Variants in COQ2 observed in about 807,000 individuals in gnomAD.
The protein encoded by COQ2 is coenzyme Q2, polyprenyltransferase, also known as 4-hydroxybenzoate polyprenyltransferase, mitochondrial.
In COQ2, 25 loss-of-function variants were observed where a neutral mutation model predicts 35.7. The ratio of observed to expected loss-of-function variants is 0.70; its 90% CI spans 0.51 to 0.98. The LOEUF (loss-of-function observed/expected upper bound fraction) is 0.98. COQ2 is among the 50% of genes least tolerant of loss of function. The pLI is 0.00. For missense variants in COQ2, 488 were observed against 473.5 expected (o/e 1.03, Z -0.28); for synonymous variants, 206 against 186.2 (o/e 1.11, Z -0.86).
Position 83,273,534 on chromosome 4 carries a change from G to T in COQ2, c.504C>A (p.Thr168=), listed in dbSNP as rs1207318237. 1 of 1,613,512 alleles carries T rather than the reference G, an allele frequency of 6.2e-7. No homozygotes were observed. The highest frequency in any genetic ancestry group is 1.3e-5 in the African/African-American group (1 of 74,854). ...QSFVFLGGQL[T]LALGVLLCLN... The stretch of plus-strand genomic sequence containing the variant: ...GACACAGAAGAACACCCAGTGCCAG[G>T]GTTAGCTGTCCCCCAAGAAAAACAA... The change falls in exon 3 of 7, where the codon ACC becomes ACA. Residue 168 remains threonine (T), a synonymous_variant. Coordinates refer to ENST00000647002, the MANE Select transcript of COQ2 (RefSeq NM_001358921.2).
intron 3 of COQ2, among the ~76,000 whole-genome samples, chr4:83,272,703 T>G (rs1735076689): frequency 6.6e-6 from 1 of 152,200 alleles, no homozygotes. Flanking sequence ...TTAAGGCATC[T>G]AATAAACTAA....
At chr4:83,271,190 T>A (rs1048586010) in intron 4 of COQ2, among the ~76,000 whole-genome samples, 2 of 152,220 alleles carry the variant, frequency 1.3e-5, no homozygotes, top group Non-Finnish European at 2.9e-5. Flanking sequence ...AACAAGTATG[T>A]ATTCAATACC....
chr4:83,284,460 C>G (rs1426908613), intron 1 of COQ2, 52 bp downstream of exon 1: 2 of 1,519,078 alleles, frequency 1.3e-6, no homozygotes, highest in East Asian at 5.4e-5. Context: ...GCGGAGCCGA[C>G]TCGGAGGCTG....
At chr4:83,282,487 C>T (rs763547994) in intron 1 of COQ2, 8 of 232,716 alleles carry the variant, frequency 3.4e-5, no homozygotes, top group Non-Finnish European at 5.6e-5. Context: ...TGAGCGAATT[C>T]TAACATAGTA....
intron 6 of COQ2, among the ~76,000 whole-genome samples, chr4:83,265,789 C>T (rs780309607): frequency 2.0e-5 from 3 of 151,772 alleles, no homozygotes; most frequent in East Asian, 2.0e-4. Context: ...CTCAGCCTCT[C>T]GAGTGGCTGG....
upstream of COQ2, chr4:83,284,884 T>C (rs1243174150): frequency 6.6e-7 from 1 of 1,523,916 alleles, no homozygotes; most frequent in African/African-American, 1.4e-5. Context: ...GCAGAACCTT[T>C]CCTCATCCTT....
intron 2 of COQ2, among the ~76,000 whole-genome samples, chr4:83,277,149 C>G (rs1156296679): frequency 1.3e-5 from 2 of 152,118 alleles, no homozygotes; most frequent in African/African-American, 4.8e-5. Context: ...TCCATGTAAC[C>G]TGACTGTAAC....
chr4:83,284,928 T>G (rs1735436639), upstream of COQ2: 1 of 1,479,402 alleles, frequency 6.8e-7, no homozygotes, highest in Non-Finnish European at 8.9e-7. Flanking sequence ...GGTCGCTTAC[T>G]CTAGGGAGGA....
chr4:83,284,975 C>G (rs1293129856), upstream of COQ2: 3 of 1,154,228 alleles, frequency 2.6e-6, no homozygotes, highest in East Asian at 3.1e-5. Flanking sequence ...TGGCAAAAGG[C>G]AAAAAAATTA....
Position 83,273,494 on chromosome 4 carries a change from A to C in COQ2, c.542+2T>G, listed in dbSNP as rs1387262365. 6.2e-7 allele frequency: 1 copy of C among 1,611,162 alleles called. No individual in the cohort carries two copies. The highest frequency in any genetic ancestry group is 8.5e-7 in the Non-Finnish European group (1 of 1,178,960). On this transcript the variant is annotated splice_donor_variant, in intron 3 of 6. Transcript: ENST00000647002. LOFTEE classifies it high-confidence loss of function. ...ACATGATGTGGAAAACGTTTAATAT[A>C]CCTGTAGTAATTTAGACACAGAAGA... is the stretch of plus-strand genomic sequence containing the variant.
In COQ2 at chr4:83,284,662, C is replaced by A; in HGVS notation, c.103G>T (p.Ala35Ser). 6.9e-7 allele frequency: 1 copy of A among 1,450,448 alleles called. No homozygotes were observed. The highest frequency in any genetic ancestry group is 2.8e-5 in the Admixed American group (1 of 35,800). 89.8% of individuals were successfully genotyped at this position (1,450,448 alleles called of 1,614,324 possible). A position where few individuals can be genotyped will look rare whatever the true frequency, so the allele number is the denominator to read the frequency against. ...RGRSFALARA[A>S]GAPHGGDLQP... ...AAGTCACCACCGTGGGGCGCGCCTG[C>A]CGCACGCGCCAGGGCGAAGGAGCGG... The change falls in exon 1 of 7, where the codon GCA becomes TCA. Residue 35 changes from alanine (A) to serine (S), a missense_variant. Ala to Ser is a moderately conservative substitution (Grantham distance 99, BLOSUM62 1). Transcript: ENST00000647002.
intron 4 of COQ2, among the ~76,000 whole-genome samples, chr4:83,270,211 C>T (rs1735014011): frequency 6.6e-6 from 1 of 151,874 alleles, no homozygotes; most frequent in Admixed American, 6.6e-5. Flanking sequence ...TAATTAACAA[C>T]TAAAGTAACA....
chr4:83,284,555 G>C lies in COQ2; in HGVS notation c.210C>G (p.Pro70=), dbSNP rs887627786. The C allele has an allele frequency of 1.9e-6, 3 of 1,569,552 alleles. No homozygotes were observed. In the African/African-American group the frequency reaches 4.1e-5, roughly 22 times the overall value. Residue 70 remains proline, a synonymous_variant, in exon 1 of 7, where the codon CCC becomes CCG. Transcript: ENST00000647002. ...GCATGAGGCGCAAGTACGGCTGCAG[G>C]GGGCGGGGCGCAGAGTCCACCACCG... ...AAAVVDSAPR[P]LQPYLRLMRL...
chr4:83,280,936 C>T (rs1215147555), intron 1 of COQ2, among the ~76,000 whole-genome samples: 1 of 152,192 alleles, frequency 6.6e-6, no homozygotes. Flanking sequence ...TCTTCAATGA[C>T]ATCTTTATAT....
upstream of COQ2, among the ~76,000 whole-genome samples, chr4:83,285,133 C>T (rs527245301): frequency 6.6e-6 from 1 of 151,922 alleles, no homozygotes; most frequent in African/African-American, 2.4e-5. Context: ...AATAAGTGTT[C>T]CAAAGAGTCG....
intron 2 of COQ2, among the ~76,000 whole-genome samples, chr4:83,275,270 T>A (rs1735139702): frequency 6.6e-6 from 1 of 152,206 alleles, no homozygotes; most frequent in South Asian, 2.1e-4. Context: ...AGACTATGAA[T>A]CTTATTTAAA....
chr4:83,273,846 A>C (rs1735103956), intron 2 of COQ2, among the ~76,000 whole-genome samples: 1 of 151,908 alleles, frequency 6.6e-6, no homozygotes, highest in Non-Finnish European at 1.5e-5. Context: ...AAACAAACAA[A>C]ACAAAGGAAC....
chr4:83,279,183 A>G, intron 1 of COQ2, 69 bp from the exon 2 acceptor site: 1 of 1,446,274 alleles, frequency 6.9e-7, no homozygotes, highest in Non-Finnish European at 9.1e-7. Flanking sequence ...TTGTTTAAAC[A>G]TCACATACCA....
intron 5 of COQ2, among the ~76,000 whole-genome samples, chr4:83,268,777 T>C (rs1049869083): frequency 6.6e-6 from 1 of 152,156 alleles, no homozygotes; most frequent in African/African-American, 2.4e-5. Flanking sequence ...TTCATGATAC[T>C]ACAAATGTAG....
Sources: gnomAD v4.1 joint callset for allele counts (sites outside exome capture counted in the v4.1 genomes callset) on GRCh38, gnomAD v4.1.1 for gene constraint, MANE v1.5 for transcripts, NCBI Gene and HGNC (gene_info 2026-07-23, HGNC 2026-07-21) for gene names.